Variants in CDK5RAP2 observed in about 807,000 individuals in gnomAD.
The protein encoded by CDK5RAP2 is CDK5 regulatory subunit-associated protein 2.
In CDK5RAP2, 147 loss-of-function variants were observed where a neutral mutation model predicts 232.9. The observed-to-expected ratio is 0.63, with a 90% CI of 0.55 to 0.72. The LOEUF (loss-of-function observed/expected upper bound fraction) is 0.72, where lower values mean the gene tolerates loss of function less well. CDK5RAP2 is among the 30% of genes least tolerant of loss of function. The pLI, the probability that CDK5RAP2 is intolerant of heterozygous loss-of-function variation, is 0.00. For synonymous variants in CDK5RAP2, 833 were observed against 833.7 expected, an observed-to-expected ratio of 1.00 and a Z score of 0.01; for missense variants, 2,195 against 2,231.5, an observed-to-expected ratio of 0.98 and a Z score of 0.33.
intron 1 of CDK5RAP2, among the ~76,000 whole-genome samples, chr9:120,575,389 A>G (rs1034420050): frequency 1.3e-5 from 2 of 152,072 alleles, no homozygotes; most frequent in African/African-American, 4.8e-5. Flanking sequence ...GAGTGACTGA[A>G]TGGACCTTCA....
At chr9:120,442,158 A>G (rs931396401) in intron 23 of CDK5RAP2, among the ~76,000 whole-genome samples, 2 of 152,222 alleles carry the variant, frequency 1.3e-5, no homozygotes, top group Non-Finnish European at 2.9e-5. Context: ...CCCATTTTAC[A>G]GAAGAGGAAG....
At chr9:120,527,612 T>G (rs1284464348) in intron 10 of CDK5RAP2, among the ~76,000 whole-genome samples, 194 bp downstream of exon 10, 2 of 152,350 alleles carry the variant, frequency 1.3e-5, no homozygotes, top group African/African-American at 4.8e-5. Flanking sequence ...GTAACCCATA[T>G]GATATTTCTA....
intron 3 of CDK5RAP2, among the ~76,000 whole-genome samples, chr9:120,558,141 G>A (rs797001295): frequency 6.8e-5 from 10 of 146,694 alleles, no homozygotes; most frequent in East Asian, 6.2e-4. Flanking sequence ...TTGGGAGGCC[G>A]AGGCAGGCAG....
chr9:120,521,272 A>C (rs1046658413), intron 11 of CDK5RAP2, among the ~76,000 whole-genome samples: 2 of 152,212 alleles, frequency 1.3e-5, no homozygotes, highest in Non-Finnish European at 2.9e-5. Context: ...ACCTTGGGTG[A>C]TTATCTAGAT....
rs2038672526 is a variant in CDK5RAP2 at position 120,487,449 on chromosome 9, A to C, written c.1483-12T>G. 1 of 1,587,824 alleles carries C rather than the reference A, an allele frequency of 6.3e-7. No individual in the cohort carries two copies. The highest frequency in any genetic ancestry group is 8.6e-7 in the Non-Finnish European group (1 of 1,165,458). The stretch of plus-strand genomic sequence containing the variant: ...TTTTCATTGAATTTCTAATGAAATA[A>C]AACAAATTCTAAGGAAATTGTCATC... On this transcript the variant is annotated splice_polypyrimidine_tract_variant and intron_variant, in intron 13 of 37. Coordinates refer to ENST00000349780, the MANE Select transcript of CDK5RAP2 (RefSeq NM_018249.6).
chr9:120,400,049 G>C (rs2032860333), intron 35 of CDK5RAP2, among the ~76,000 whole-genome samples: 2 of 152,108 alleles, frequency 1.3e-5, no homozygotes, highest in African/African-American at 4.8e-5. Flanking sequence ...ATAAACAAAG[G>C]GTGAAATATC....
intron 8 of CDK5RAP2, among the ~76,000 whole-genome samples, chr9:120,529,105 A>G (rs2041034618): frequency 6.6e-6 from 1 of 152,238 alleles, no homozygotes; most frequent in South Asian, 2.1e-4. Context: ...GAGAGTTAAG[A>G]GGAGGGACAG....
At chr9:120,555,072 C>T (rs1035231846) in intron 3 of CDK5RAP2, among the ~76,000 whole-genome samples, 2 of 145,618 alleles carry the variant, frequency 1.4e-5, no homozygotes, top group East Asian at 4.0e-4. Context: ...AAAAAAGAAT[C>T]AAGACCCTGT....
At position 120,407,148 on chromosome 9, in the gene CDK5RAP2, G is replaced by T. The variant is rs541492519; in HGVS notation, c.4827C>A (p.Ile1609=). Residue 1609 remains isoleucine, a synonymous_variant, in exon 32 of 38, where the codon ATC becomes ATA. Coordinates refer to ENST00000349780, the MANE Select transcript of CDK5RAP2 (RefSeq NM_018249.6). ...TGCTCTGCAGAGTGCTGCTGGTTTC[G>T]ATGCTCCTTTCTAGTTGCAAGCGCA... ...QALRLQLERS[I]ETSSTLQSRL... The T allele has an allele frequency of 2.5e-6, 4 of 1,613,980 alleles. No homozygotes were observed. In the African/African-American group the frequency reaches 5.3e-5, roughly 22 times the overall value.
In CDK5RAP2 at chr9:120,394,507, C is replaced by T. The variant is rs961893157; in HGVS notation, c.5578+5G>A. The stretch of plus-strand genomic sequence containing the variant: ...GGCATAGCGGCCACCCCCACACTCA[C>T]TCACATTGATCAAAGATGACTTTTT... On this transcript the variant is annotated splice_donor_5th_base_variant and intron_variant, in intron 36 of 37. Transcript: ENST00000349780. 8 of 1,614,166 alleles carry T rather than the reference C, an allele frequency of 5.0e-6. No homozygotes were observed. Among genetic ancestry groups the T allele is most frequent in the Non-Finnish European group, 5.9e-6 (7 of 1,180,030 alleles).
At chr9:120,517,159 T>C (rs527505571) in intron 12 of CDK5RAP2, among the ~76,000 whole-genome samples, 29 of 152,336 alleles carry the variant, frequency 1.9e-4, no homozygotes, top group South Asian at 6.2e-4. Flanking sequence ...GACTGAACGA[T>C]AGTACAGAAA....
intron 12 of CDK5RAP2, among the ~76,000 whole-genome samples, chr9:120,511,307 C>T (rs1460491236): frequency 4.6e-5 from 7 of 152,208 alleles, no homozygotes; most frequent in Admixed American, 1.3e-4. Flanking sequence ...GGATCCTGTA[C>T]ATAGGATTTA....
intron 12 of CDK5RAP2, among the ~76,000 whole-genome samples, chr9:120,500,553 A>G (rs1291051036): frequency 6.6e-6 from 1 of 152,232 alleles, no homozygotes; most frequent in South Asian, 2.1e-4. Flanking sequence ...TTGATTGCCA[A>G]TCATGCTTCT....
chr9:120,525,017 G>A lies in CDK5RAP2; in HGVS notation c.1061C>T (p.Ala354Val). The A allele has an allele frequency of 1.2e-6, 2 of 1,613,966 alleles. No homozygotes were observed. The highest frequency in any genetic ancestry group is 1.7e-6 in the Non-Finnish European group (2 of 1,179,854). The change falls in exon 11 of 38, where the codon GCC becomes GTC. Residue 354 changes from alanine (A) to valine (V), a missense_variant. Transcript: ENST00000349780. ...LSAAFAKARE[A>V]LQKAQTQEFQ... Reference sequence around the variant, plus strand: ...TTCCTGGGTCTGTGCTTTCTGTAGGGCCTCTCTGGCTTTAGCAAAGGCAGC... The same window carrying A: ...TTCCTGGGTCTGTGCTTTCTGTAGGACCTCTCTGGCTTTAGCAAAGGCAGC...
intron 5 of CDK5RAP2, among the ~76,000 whole-genome samples, chr9:120,544,944 G>C (rs992893429): frequency 6.6e-6 from 1 of 152,110 alleles, no homozygotes; most frequent in South Asian, 2.1e-4. Context: ...TATTTCACAA[G>C]TTACTATGTA....
intron 1 of CDK5RAP2, 106 bp from the exon 2 acceptor site, chr9:120,572,147 G>C: frequency 1.1e-6 from 1 of 889,918 alleles, no homozygotes; most frequent in Non-Finnish European, 1.9e-6. Flanking sequence ...CAGGAGGGAT[G>C]CACACAGCTG....
chr9:120,468,109 G>A, intron 17 of CDK5RAP2, 112 bp from the exon 18 acceptor site: 4 of 1,025,808 alleles, frequency 3.9e-6, no homozygotes, highest in Non-Finnish European at 6.0e-6. Flanking sequence ...ACAGTTACGG[G>A]GAATCAGGCT....
At chr9:120,408,201 A>C in intron 31 of CDK5RAP2, 146 bp downstream of exon 31, 1 of 912,460 alleles carries the variant, frequency 1.1e-6, no homozygotes, top group Admixed American at 1.7e-5. Context: ...AGAGTGGGTC[A>C]AAGAGCTAGC....
chr9:120,450,089 C>T (rs1820917472), intron 21 of CDK5RAP2, among the ~76,000 whole-genome samples: 1 of 152,122 alleles, frequency 6.6e-6, no homozygotes, highest in African/African-American at 2.4e-5. Flanking sequence ...TTTCTAATAA[C>T]CAAAAGTGGA....
Sources: gnomAD v4.1 joint callset for allele counts (sites outside exome capture counted in the v4.1 genomes callset) on GRCh38, gnomAD v4.1.1 for gene constraint, MANE v1.5 for transcripts, NCBI Gene and HGNC (gene_info 2026-07-23, HGNC 2026-07-21) for gene names.